The following ANKS6 variants were observed in gnomAD, a reference collection of about 807,000 sequenced individuals.
The protein encoded by ANKS6 is ankyrin repeat and SAM domain-containing protein 6.
A neutral mutation model predicts 77.9 loss-of-function variants in ANKS6; 47 were observed. The ratio of observed to expected loss-of-function variants is 0.60; its 90% CI spans 0.48 to 0.77. ANKS6 has a LOEUF of 0.77. Among genes scored for constraint, ANKS6 ranks in the 30% least tolerant of loss-of-function variants. The pLI is 0.00. For missense variants in ANKS6, 1,150 were observed against 1,159.1 expected (o/e 0.99, Z 0.11); for synonymous variants, 488 against 501.7 (o/e 0.97, Z 0.37).
rs535407349 is a variant in ANKS6 at position 98,745,398 on chromosome 9, AC to A, written c.2511+160del. On this transcript the variant is annotated intron_variant, in intron 14 of 14. Coordinates refer to ENST00000353234, the MANE Select transcript of ANKS6 (RefSeq NM_173551.5). ...AGATTTCAGCTCTATCTGGGGAGAA[AC>A]CTTACGGGGGAAGTCCGAAAAGGGA... is the stretch of plus-strand genomic sequence containing the variant. 5.2e-3 allele frequency among the ~76,000 whole-genome samples: 797 copies of A among 152,250 alleles called. 7 individuals are homozygous for A. The highest frequency in any genetic ancestry group is 0.018 in the African/African-American group (747 of 41,556).
chr9:98,773,006 G>A (rs530181583), intron 9 of ANKS6, among the ~76,000 whole-genome samples: 1 of 152,360 alleles, frequency 6.6e-6, no homozygotes, highest in African/African-American at 2.4e-5. Context: ...AGCAAGTCAA[G>A]TTGATGTTCT....
At chr9:98,751,873 A>C (rs1470293112) in intron 12 of ANKS6, among the ~76,000 whole-genome samples, 2 of 152,152 alleles carry the variant, frequency 1.3e-5, no homozygotes, top group Non-Finnish European at 2.9e-5. Flanking sequence ...TTGAGGCCAA[A>C]AGTTCAAAAC....
At chr9:98,774,242 G>A (rs1420008697) in intron 8 of ANKS6, among the ~76,000 whole-genome samples, 162 bp from the exon 9 acceptor site, 3 of 152,068 alleles carry the variant, frequency 2.0e-5, no homozygotes, top group African/African-American at 7.2e-5. Flanking sequence ...CCCAGTAACC[G>A]CACAACACCC....
At chr9:98,743,280 C>T (rs1051583334) in intron 14 of ANKS6, among the ~76,000 whole-genome samples, 2 of 150,280 alleles carry the variant, frequency 1.3e-5, no homozygotes, top group Non-Finnish European at 3.0e-5. Context: ...CCCCGCCCCA[C>T]CATCACTCAC....
chr9:98,732,227 G>C lies in ANKS6; in HGVS notation c.*4292C>G, dbSNP rs758855201. The C allele has an allele frequency of 1.0e-5, 5 of 495,268 alleles. No homozygotes were observed. The highest frequency in any genetic ancestry group is 1.8e-5 in the Non-Finnish European group (5 of 277,268). The allele number at this position is 495,268 out of a possible 1,614,324, so 30.7% of individuals were successfully genotyped here. On this transcript the variant is annotated 3_prime_UTR_variant, in exon 15 of 15. Coordinates refer to ENST00000353234, the MANE Select transcript of ANKS6 (RefSeq NM_173551.5). ...GGGCTCTTCAGGAGGCATTTACTTGGAAGTACAGGTCAGCGTTATCCAAAG... is the reference window on the plus strand; with the variant it reads ...GGGCTCTTCAGGAGGCATTTACTTGCAAGTACAGGTCAGCGTTATCCAAAG...
At chr9:98,781,845 C>G (rs922905152) in intron 5 of ANKS6, among the ~76,000 whole-genome samples, 3 of 152,176 alleles carry the variant, frequency 2.0e-5, no homozygotes, top group African/African-American at 7.2e-5. Flanking sequence ...GCTTCTCTCT[C>G]TCTGGGTTGA....
intron 5 of ANKS6, 34 bp downstream of exon 5, chr9:98,782,433 G>T (rs1230198233): frequency 3.2e-6 from 5 of 1,584,634 alleles, no homozygotes; most frequent in Non-Finnish European, 4.3e-6. Flanking sequence ...GAAACGCTGG[G>T]TAGATTTACA....
Position 98,733,831 on chromosome 9 carries a change from A to C in ANKS6, c.*2688T>G, listed in dbSNP as rs1244682297. On this transcript the variant is annotated 3_prime_UTR_variant, in exon 15 of 15. Coordinates refer to ENST00000353234, the MANE Select transcript of ANKS6 (RefSeq NM_173551.5). ...CACCCCACTTTCACATACACACCCT[A>C]CGTTTCTTTATGAAAAACCTATTAT... 1.0e-6 allele frequency: 1 copy of C among 985,254 alleles called. No homozygotes were observed. Among genetic ancestry groups the C allele is most frequent in the Non-Finnish European group, 1.2e-6 (1 of 829,938 alleles). 61.0% of individuals were successfully genotyped at this position (985,254 alleles called of 1,614,324 possible).
chr9:98,739,393 C>T (rs1257373687), intron 14 of ANKS6, among the ~76,000 whole-genome samples: 1 of 152,138 alleles, frequency 6.6e-6, no homozygotes, highest in African/African-American at 2.4e-5. Flanking sequence ...ATCGCTTGAG[C>T]CCAGGAGGTC....
In ANKS6 at chr9:98,784,786, A is replaced by G. The variant is rs1249959181; in HGVS notation, c.907+46T>C. 2.0e-6 allele frequency: 3 copies of G among 1,534,412 alleles called. No homozygotes were observed. In the East Asian group the frequency reaches 6.8e-5, roughly 35 times the overall value. ...TACAAATATTAGGTTGGGAGAATGT[A>G]GCCCTATATTCTTAAATATCCAAAA... On this transcript the variant is annotated intron_variant, in intron 3 of 14. Coordinates refer to ENST00000353234, the MANE Select transcript of ANKS6 (RefSeq NM_173551.5).
intron 12 of ANKS6, among the ~76,000 whole-genome samples, chr9:98,751,436 T>C (rs767319742): frequency 6.6e-6 from 1 of 152,236 alleles, no homozygotes. Context: ...CTCTGCCTTC[T>C]GTGTGAGAAA....
chr9:98,771,302 T>A (rs1282500198), intron 9 of ANKS6, among the ~76,000 whole-genome samples: 1 of 152,180 alleles, frequency 6.6e-6, no homozygotes, highest in Non-Finnish European at 1.5e-5. Context: ...TTCAGTCTCA[T>A]TCAACTCCAG....
In ANKS6 at chr9:98,733,078, T is replaced by C. The variant is rs1285620176; in HGVS notation, c.*3441A>G. 3.7e-6 allele frequency: 3 copies of C among 816,796 alleles called. No homozygotes were observed. Among genetic ancestry groups the C allele is most frequent in the Admixed American group, 1.1e-4 (2 of 17,568 alleles). The allele number at this position is 816,796 out of a possible 1,614,324, so 50.6% of individuals were successfully genotyped here. A position where few individuals can be genotyped will look rare whatever the true frequency, so the allele number is the denominator to read the frequency against. ...TCATCACCACACCATCTCACCGACATGATTGTCTCCTCTAAGATACTGTGG... is the reference window on the plus strand; with the variant it reads ...TCATCACCACACCATCTCACCGACACGATTGTCTCCTCTAAGATACTGTGG... On this transcript the variant is annotated 3_prime_UTR_variant, in exon 15 of 15. Transcript: ENST00000353234.
chr9:98,772,277 G>A (rs1833683379), intron 9 of ANKS6, among the ~76,000 whole-genome samples: 1 of 152,126 alleles, frequency 6.6e-6, no homozygotes, highest in Non-Finnish European at 1.5e-5. Flanking sequence ...TTTGACAAAT[G>A]AGGAAGCAAT....
chr9:98,741,854 T>C (rs1831850044), intron 14 of ANKS6, among the ~76,000 whole-genome samples: 1 of 152,220 alleles, frequency 6.6e-6, no homozygotes, highest in Non-Finnish European at 1.5e-5. Flanking sequence ...TTTTAGTTAA[T>C]ACTCACTTAA....
chr9:98,785,540 C>G (rs1834516465), intron 2 of ANKS6, among the ~76,000 whole-genome samples: 1 of 152,264 alleles, frequency 6.6e-6, no homozygotes, highest in Admixed American at 6.5e-5. Flanking sequence ...AGCCTTGCTG[C>G]AGCCGCCAGA....
chr9:98,759,873 C>T (rs778053015), intron 11 of ANKS6, among the ~76,000 whole-genome samples: 5 of 152,042 alleles, frequency 3.3e-5, no homozygotes, highest in Non-Finnish European at 7.4e-5. Flanking sequence ...TAAAAGGATA[C>T]AAAACTATAG....
chr9:98,770,624 G>A (rs1833566693), intron 10 of ANKS6, among the ~76,000 whole-genome samples: 1 of 151,832 alleles, frequency 6.6e-6, no homozygotes, highest in Non-Finnish European at 1.5e-5. Flanking sequence ...AAAACATCAT[G>A]CACTTCCCTT....
At chr9:98,792,915 G>A (rs899738297) in intron 1 of ANKS6, among the ~76,000 whole-genome samples, 2 of 152,230 alleles carry the variant, frequency 1.3e-5, no homozygotes, top group African/African-American at 4.8e-5. Context: ...TAGCCCAAGA[G>A]AGCACTCAAC....
Sources: gnomAD v4.1 joint callset for allele counts (sites outside exome capture counted in the v4.1 genomes callset) on GRCh38, gnomAD v4.1.1 for gene constraint, MANE v1.5 for transcripts, NCBI Gene and HGNC (gene_info 2026-07-23, HGNC 2026-07-21) for gene names.